Variants in PTPRK observed in about 807,000 individuals in gnomAD.
The protein encoded by PTPRK is receptor-type tyrosine-protein phosphatase kappa.
PTPRK carries 75 observed loss-of-function variants against 178.0 expected under a neutral mutation model. That is an observed-to-expected ratio of 0.42 (90% CI 0.35 to 0.51). The LOEUF (loss-of-function observed/expected upper bound fraction) is 0.51, where lower values mean the gene tolerates loss of function less well. Among genes scored for constraint, PTPRK ranks in the 20% least tolerant of loss-of-function variants. The probability of loss-of-function intolerance (pLI) is 0.02; values close to 1 mark genes in which losing one functional copy is unlikely to be tolerated. For synonymous variants in PTPRK, 637 were observed against 620.6 expected, an observed-to-expected ratio of 1.03 and a Z score of -0.39; for missense variants, 1,441 against 1,797.8, an observed-to-expected ratio of 0.80 and a Z score of 3.59.
intron 7 of PTPRK, among the ~76,000 whole-genome samples, chr6:128,151,476 C>T (rs1562681458): frequency 1.3e-5 from 2 of 151,778 alleles, no homozygotes; most frequent in Non-Finnish European, 2.9e-5. Context: ...AGATCCCATA[C>T]ATAGTTAAAC....
At chr6:128,056,667 A>G (rs1265356675) in intron 13 of PTPRK, among the ~76,000 whole-genome samples, 2 of 151,922 alleles carry the variant, frequency 1.3e-5, no homozygotes, top group Admixed American at 1.3e-4. Flanking sequence ...CTTGTGATAC[A>G]CCTGCCTCGG....
At chr6:128,077,557 A>C (rs1384958261) in intron 11 of PTPRK, among the ~76,000 whole-genome samples, 1 of 150,116 alleles carries the variant, frequency 6.7e-6, no homozygotes, top group Non-Finnish European at 1.5e-5. Context: ...GTGCTCACGA[A>C]GTCAAATGTA....
intron 19 of PTPRK, among the ~76,000 whole-genome samples, chr6:127,992,380 C>G (rs1490239231): frequency 6.6e-6 from 1 of 151,716 alleles, no homozygotes; most frequent in Non-Finnish European, 1.5e-5. Context: ...TGAGTAATTC[C>G]TCTGACTGGC....
At chr6:128,236,203 T>A in intron 5 of PTPRK, among the ~76,000 whole-genome samples, 1 of 152,112 alleles carries the variant, frequency 6.6e-6, no homozygotes, top group East Asian at 1.9e-4. Flanking sequence ...TTAAAAAATG[T>A]CTGTTCATGT....
Position 128,255,369 on chromosome 6 carries a change from C to T in PTPRK, c.496-12767G>A, listed in dbSNP as rs766185129. Among the ~76,000 whole-genome samples the T allele has an allele frequency of 6.6e-5, 10 of 151,978 alleles. No individual in the cohort carries two copies. In the East Asian group the frequency reaches 9.7e-4, roughly 15 times the overall value. On this transcript the variant is annotated intron_variant, in intron 3 of 29. Transcript: ENST00000368226. ...ACAATATGGGAGATGGTGAAAAAGA[C>T]GAGGGAAAGCATTAATTTTATTGGC...
intron 2 of PTPRK, among the ~76,000 whole-genome samples, chr6:128,388,824 T>TA (rs1839143921): frequency 6.6e-6 from 1 of 152,202 alleles, no homozygotes; most frequent in South Asian, 2.1e-4. Context: ...GTCAGAGAAT[T>TA]ATTTTTTAAG....
chr6:128,367,020 C>T (rs1333063783), intron 2 of PTPRK, among the ~76,000 whole-genome samples: 1 of 152,044 alleles, frequency 6.6e-6, no homozygotes, highest in Non-Finnish European at 1.5e-5. Context: ...GCTCAGCAGC[C>T]CCAGCACTGC....
At chr6:128,017,794 A>ATT (rs1309218516) in intron 13 of PTPRK, among the ~76,000 whole-genome samples, 1 of 57,420 alleles carries the variant, frequency 1.7e-5, no homozygotes, top group African/African-American at 6.5e-5. Context: ...ATAAATAAAT[A>ATT]TATATGTGTA....
chr6:128,166,104 T>G (rs1562709383), intron 7 of PTPRK, among the ~76,000 whole-genome samples: 1 of 151,566 alleles, frequency 6.6e-6, no homozygotes, highest in Non-Finnish European at 1.5e-5. Context: ...AAAGTCAATT[T>G]TCTCATAGCC....
chr6:128,041,747 T>C (rs537578676), intron 13 of PTPRK, among the ~76,000 whole-genome samples: 59 of 151,826 alleles, frequency 3.9e-4, no homozygotes, highest in Non-Finnish European at 5.6e-4. Context: ...TATATATGTA[T>C]ATATATGTGT....
chr6:128,483,802 C>T (rs1009731591), intron 1 of PTPRK, among the ~76,000 whole-genome samples: 1 of 152,080 alleles, frequency 6.6e-6, no homozygotes, highest in Non-Finnish European at 1.5e-5. Context: ...TAAACTGAAA[C>T]TCTAATTAAA....
At chr6:128,059,336 G>C (rs1397280866) in intron 13 of PTPRK, among the ~76,000 whole-genome samples, 1 of 152,116 alleles carries the variant, frequency 6.6e-6, no homozygotes, top group Non-Finnish European at 1.5e-5. Context: ...GTAGTGTTCA[G>C]TGTAGAGATG....
chr6:128,265,294 C>A (rs533948749), intron 3 of PTPRK, among the ~76,000 whole-genome samples: 1 of 152,188 alleles, frequency 6.6e-6, no homozygotes, highest in South Asian at 2.1e-4. Context: ...CATGAGGTGG[C>A]AAATATACAT....
chr6:128,151,745 T>C (rs1210686108), intron 7 of PTPRK, among the ~76,000 whole-genome samples: 1 of 151,898 alleles, frequency 6.6e-6, no homozygotes, highest in Admixed American at 6.6e-5. Flanking sequence ...ATTACAAACT[T>C]CTAAAAAAGA....
chr6:128,150,333 T>A lies in PTPRK; in HGVS notation c.1162+34099A>T, dbSNP rs117794272. Among the ~76,000 whole-genome samples the A allele has an allele frequency of 2.9e-4, 44 of 152,240 alleles. 1 individual carries two copies. The East Asian group carries it at 8.5e-3, about 29-fold the overall frequency. ...CATAGTGGTCAATAGGCTAAATAAATGAACAGTTCCAACAAAACTGGATTC... is the reference window on the plus strand; with the variant it reads ...CATAGTGGTCAATAGGCTAAATAAAAGAACAGTTCCAACAAAACTGGATTC... On this transcript the variant is annotated intron_variant, in intron 7 of 29. Coordinates refer to ENST00000368226, the MANE Select transcript of PTPRK (RefSeq NM_002844.4).
chr6:128,347,892 G>C (rs1414348418), intron 2 of PTPRK, among the ~76,000 whole-genome samples: 1 of 151,902 alleles, frequency 6.6e-6, no homozygotes, highest in Non-Finnish European at 1.5e-5. Flanking sequence ...CCATAAAATA[G>C]CAACATTAAT....
intron 13 of PTPRK, among the ~76,000 whole-genome samples, chr6:128,036,223 G>A (rs1046610125): frequency 6.6e-6 from 1 of 152,096 alleles, no homozygotes; most frequent in African/African-American, 2.4e-5. Context: ...AGCCCAATAA[G>A]ACTACTGAGT....
chr6:128,249,672 T>A (rs1240517585), intron 3 of PTPRK, among the ~76,000 whole-genome samples: 1 of 152,120 alleles, frequency 6.6e-6, no homozygotes, highest in Non-Finnish European at 1.5e-5. Flanking sequence ...GAAAAAACTA[T>A]CCAGGCGCTT....
chr6:128,229,979 A>AC (rs1029928974), intron 5 of PTPRK, among the ~76,000 whole-genome samples: 6 of 134,466 alleles, frequency 4.5e-5, no homozygotes, highest in Admixed American at 1.4e-4. Flanking sequence ...TAAGACACAC[A>AC]AAAAAATGAT....
Sources: gnomAD v4.1 joint callset for allele counts (sites outside exome capture counted in the v4.1 genomes callset) on GRCh38, gnomAD v4.1.1 for gene constraint, MANE v1.5 for transcripts, NCBI Gene and HGNC (gene_info 2026-07-23, HGNC 2026-07-21) for gene names.